The following PRKCB variants were observed in gnomAD, a reference collection of about 807,000 sequenced individuals.
PRKCB encodes protein kinase C beta.
PRKCB carries 13 observed loss-of-function variants against 81.5 expected under a neutral mutation model. The observed-to-expected ratio is 0.16, with a 90% CI of 0.10 to 0.25. The LOEUF (loss-of-function observed/expected upper bound fraction) is 0.25. Among genes scored for constraint, PRKCB ranks in the 10% least tolerant of loss-of-function variants. The pLI is 1.00. For synonymous variants in PRKCB, 335 were observed against 321.4 expected, an observed-to-expected ratio of 1.04 and a Z score of -0.45; for missense variants, 509 against 875.7, an observed-to-expected ratio of 0.58 and a Z score of 5.29.
At chr16:24,025,393 C>T (rs999918024) in intron 3 of PRKCB, among the ~76,000 whole-genome samples, 3 of 152,142 alleles carry the variant, frequency 2.0e-5, no homozygotes, top group South Asian at 2.1e-4. Context: ...TTATGAGGAT[C>T]GAATGCATTA....
chr16:23,836,438 GCCCTCCGCA>G (rs1567284325), intron 1 of PRKCB, 90 bp downstream of exon 1: 1 of 1,444,136 alleles, frequency 6.9e-7, no homozygotes, highest in Non-Finnish European at 9.2e-7. Flanking sequence ...CGCCCTCCGC[GCCCTCCGCA>G]CCCTGGGACC....
chr16:24,017,956 C>CGGT (rs1339935201), intron 3 of PRKCB, among the ~76,000 whole-genome samples: 8 of 142,604 alleles, frequency 5.6e-5, no homozygotes, highest in African/African-American at 2.1e-4. Context: ...TGGAGTGCAG[C>CGGT]GGTGCAATCT....
intron 2 of PRKCB, among the ~76,000 whole-genome samples, chr16:23,900,718 GTTTTTTTTTTTTTT>G (rs56897816): frequency 3.2e-5 from 2 of 62,266 alleles, no homozygotes; most frequent in African/African-American, 7.0e-5. Context: ...AGCTGCACAG[GTTTTTTTTTTTTTT>G]TTTTTTTTTT....
chr16:23,900,731 T>G (rs1963458244), intron 2 of PRKCB, among the ~76,000 whole-genome samples: 2 of 136,664 alleles, frequency 1.5e-5, no homozygotes, highest in Non-Finnish European at 3.1e-5. Flanking sequence ...TTTTTTTTTT[T>G]TTTTTTTTTT....
intron 8 of PRKCB, among the ~76,000 whole-genome samples, chr16:24,116,970 CTG>C (rs1368079005): frequency 6.6e-6 from 1 of 152,016 alleles, no homozygotes; most frequent in African/African-American, 2.4e-5. Context: ...GAATAGGAGA[CTG>C]TTTTATCCGC....
intron 10 of PRKCB, among the ~76,000 whole-genome samples, chr16:24,157,900 T>G (rs898678725): frequency 1.3e-5 from 2 of 151,800 alleles, no homozygotes; most frequent in African/African-American, 4.8e-5. Flanking sequence ...CTTTCCTTTA[T>G]AAATTACCGA....
At chr16:24,021,018 T>TTCTTTTTC (rs1965362218) in intron 3 of PRKCB, among the ~76,000 whole-genome samples, 35 of 134,636 alleles carry the variant, frequency 2.6e-4, no homozygotes, top group African/African-American at 9.7e-4. Flanking sequence ...CTTTCTTTCT[T>TTCTTTTTC]TCTTTCTTTC....
Position 23,996,955 on chromosome 16 carries a change from A to G in PRKCB, c.288+8365A>G, listed in dbSNP as rs141080759. ...TAGCCAGAAATTTATGGATCTGGGAATCAAGGAAGTGGAATGGGAGTGGTA... is the reference window on the plus strand; with the variant it reads ...TAGCCAGAAATTTATGGATCTGGGAGTCAAGGAAGTGGAATGGGAGTGGTA... On this transcript the variant is annotated intron_variant, in intron 3 of 16. Coordinates refer to ENST00000643927, the MANE Select transcript of PRKCB (RefSeq NM_002738.7). 8.6e-4 allele frequency among the ~76,000 whole-genome samples: 131 copies of G among 152,322 alleles called. 3 individuals are homozygous for G. In the East Asian group the frequency reaches 0.022, roughly 26 times the overall value.
intron 2 of PRKCB, among the ~76,000 whole-genome samples, chr16:23,945,438 T>C (rs1022801021): frequency 2.6e-5 from 4 of 152,226 alleles, no homozygotes; most frequent in Non-Finnish European, 5.9e-5. Flanking sequence ...TCTGATATGA[T>C]GAATGACAGA....
rs542054807 is a variant in PRKCB at position 24,070,968 on chromosome 16, G to A, written c.530-21823G>A. On this transcript the variant is annotated intron_variant, in intron 5 of 16. Coordinates refer to ENST00000643927, the MANE Select transcript of PRKCB (RefSeq NM_002738.7). ...CAGGAAAGGCTTCTGGGAAGAGGTG[G>A]CCTTATAGATCTAACTAGAAGGATG... 3.3e-4 allele frequency among the ~76,000 whole-genome samples: 51 copies of A among 152,308 alleles called. No individual in the cohort carries two copies. The Middle Eastern group carries it at 0.01, about 30-fold the overall frequency.
chr16:23,900,206 A>G (rs576183910), intron 2 of PRKCB, among the ~76,000 whole-genome samples: 50 of 152,314 alleles, frequency 3.3e-4, no homozygotes, highest in African/African-American at 1.2e-3. Flanking sequence ...CAGTGTCCAC[A>G]GTGCCATGGT....
Position 23,988,560 on chromosome 16 carries a change from C to T in PRKCB, c.258C>T (p.Cys86=). The T allele has an allele frequency of 6.2e-7, 1 of 1,614,106 alleles. No individual in the cohort carries two copies. The highest frequency in any genetic ancestry group is 8.5e-7 in the Non-Finnish European group (1 of 1,179,974). Residue 86 remains cysteine, a synonymous_variant, in exon 3 of 17, where the codon TGC becomes TGT. Transcript: ENST00000643927. ...KRCHEFVTFS[C]PGADKGPASD... is the part of the protein sequence containing the mutation. ...GCCATGAATTTGTCACATTCTCCTG[C>T]CCTGGCGCTGACAAGGGTCCAGCCT... is the stretch of plus-strand genomic sequence containing the variant.
At chr16:23,870,221 GA>G (rs1962881862) in intron 2 of PRKCB, among the ~76,000 whole-genome samples, 1 of 152,134 alleles carries the variant, frequency 6.6e-6, no homozygotes, top group Admixed American at 6.5e-5. Flanking sequence ...AAAAGAATCA[GA>G]AGAACAATTT....
intron 2 of PRKCB, among the ~76,000 whole-genome samples, chr16:23,943,995 C>T (rs1181567931): frequency 6.6e-6 from 1 of 152,134 alleles, no homozygotes; most frequent in Non-Finnish European, 1.5e-5. Flanking sequence ...GACTTTTAAG[C>T]TCATGATTGG....
intron 16 of PRKCB, among the ~76,000 whole-genome samples, chr16:24,198,104 G>A (rs1444738230): frequency 6.6e-6 from 1 of 152,212 alleles, no homozygotes; most frequent in Admixed American, 6.5e-5. Context: ...GGGTGATCCA[G>A]CTCAGAATTT....
intron 10 of PRKCB, among the ~76,000 whole-genome samples, chr16:24,160,944 C>A (rs1275441695): frequency 6.6e-6 from 1 of 152,050 alleles, no homozygotes. Flanking sequence ...AGCGAGGAGG[C>A]CGGTGTCGCC....
chr16:23,866,119 A>T (rs962249885), intron 2 of PRKCB, among the ~76,000 whole-genome samples: 1 of 152,156 alleles, frequency 6.6e-6, no homozygotes, highest in Non-Finnish European at 1.5e-5. Context: ...AATGTTAATT[A>T]TCGCCCCTGG....
chr16:23,843,304 C>G (rs559052649), intron 2 of PRKCB, among the ~76,000 whole-genome samples: 25 of 152,240 alleles, frequency 1.6e-4, no homozygotes, highest in African/African-American at 4.3e-4. Context: ...ACTTCTCTTT[C>G]TTCCCAGAAG....
Position 23,978,950 on chromosome 16 carries a change from A to G in PRKCB, c.206-9558A>G, listed in dbSNP as rs75310702. On this transcript the variant is annotated intron_variant, in intron 2 of 16. Transcript: ENST00000643927. The stretch of plus-strand genomic sequence containing the variant: ...ACACTGGGCGCTGCAGATTTAGGCA[A>G]TAGCAGTGGATGTGTTGGAGCAGGG... 4.0e-4 allele frequency among the ~76,000 whole-genome samples: 61 copies of G among 152,328 alleles called. 2 individuals carry two copies. In the East Asian group the frequency reaches 9.4e-3, roughly 24 times the overall value.
Sources: gnomAD v4.1 joint callset for allele counts (sites outside exome capture counted in the v4.1 genomes callset) on GRCh38, gnomAD v4.1.1 for gene constraint, MANE v1.5 for transcripts, NCBI Gene and HGNC (gene_info 2026-07-23, HGNC 2026-07-21) for gene names.